ASH1L: variants seen among roughly 807,000 people sequenced by gnomAD.
The protein encoded by ASH1L is ASH1 like histone lysine methyltransferase.
ASH1L carries 23 observed loss-of-function variants against 269.0 expected under a neutral mutation model. The observed-to-expected ratio is 0.09, with a 90% CI of 0.06 to 0.12. The LOEUF is 0.12. ASH1L is among the 10% of genes least tolerant of loss of function. The probability of loss-of-function intolerance (pLI) is 1.00; values close to 1 mark genes in which losing one functional copy is unlikely to be tolerated. For missense variants in ASH1L, 2,912 were observed against 3,567.8 expected (o/e 0.82, Z 4.68); for synonymous variants, 1,187 against 1,253.5 (o/e 0.95, Z 1.12).
intron 1 of ASH1L, among the ~76,000 whole-genome samples, chr1:155,559,556 A>G (rs1426929308): frequency 6.6e-6 from 1 of 151,590 alleles, no homozygotes; most frequent in East Asian, 1.9e-4. Context: ...AAAAAAGCAC[A>G]AGATGATACA....
intron 5 of ASH1L, among the ~76,000 whole-genome samples, chr1:155,430,834 G>C (rs1440360897): frequency 6.6e-6 from 1 of 151,950 alleles, no homozygotes; most frequent in Non-Finnish European, 1.5e-5. Context: ...CATTGCCCAA[G>C]CTGGTCTCAA....
intron 5 of ASH1L, among the ~76,000 whole-genome samples, chr1:155,421,309 T>C (rs893465820): frequency 2.1e-4 from 29 of 134,890 alleles, no homozygotes; most frequent in South Asian, 2.4e-4. Context: ...CAATCTCAAG[T>C]ACCAACAGTT....
At position 155,343,489 on chromosome 1, in the gene ASH1L, A is replaced by G. The variant is rs1434453067; in HGVS notation, c.8121-3T>C. On this transcript the variant is annotated splice_polypyrimidine_tract_variant and splice_region_variant and intron_variant, in intron 23 of 27. Transcript: ENST00000392403. The surrounding 1 kb of genome is among the most constrained non-coding windows in gnomAD (Gnocchi z 6.1). The stretch of plus-strand genomic sequence containing the variant: ...GACCAAAGGCAAACCGTTCCTCTCT[A>G]AAACAATGGAAAAGTGAGAAGGGAG... 4 of 1,613,696 alleles carry G rather than the reference A, an allele frequency of 2.5e-6. No individual in the cohort carries two copies. The East Asian group carries it at 8.9e-5, about 36-fold the overall frequency.
intron 7 of ASH1L, among the ~76,000 whole-genome samples, chr1:155,381,466 C>T (rs928286627): frequency 9.9e-5 from 15 of 151,978 alleles, no homozygotes; most frequent in African/African-American, 3.6e-4. Context: ...AGGAGAATTG[C>T]TTGAACCTGG....
At chr1:155,451,139 G>A (rs1663430180) in intron 4 of ASH1L, among the ~76,000 whole-genome samples, 1 of 149,442 alleles carries the variant, frequency 6.7e-6, no homozygotes. Flanking sequence ...AGAGGTTGCA[G>A]TGAGCTGAGA....
intron 2 of ASH1L, among the ~76,000 whole-genome samples, chr1:155,510,266 T>C (rs1202152781): frequency 1.3e-5 from 2 of 151,448 alleles, no homozygotes; most frequent in African/African-American, 2.4e-5. Context: ...ATACAAAAAT[T>C]ACCCAGGCGT....
chr1:155,377,928 C>CAGGA (rs1464668992), intron 10 of ASH1L, among the ~76,000 whole-genome samples: 2 of 151,596 alleles, frequency 1.3e-5, no homozygotes, highest in Admixed American at 1.3e-4. Context: ...GAGGCTGAGG[C>CAGGA]AGGAGAATGG....
At chr1:155,476,369 G>C (rs1480781359) in intron 3 of ASH1L, among the ~76,000 whole-genome samples, 3 of 151,818 alleles carry the variant, frequency 2.0e-5, no homozygotes, top group African/African-American at 7.3e-5. Flanking sequence ...CTGGGCAACA[G>C]AGCAAGACTC....
In ASH1L at chr1:155,478,993, C is replaced by T; in HGVS notation, c.3877G>A (p.Glu1293Lys). Residue 1293 changes from glutamate (E) to lysine (K), a missense_variant, in exon 3 of 28, where the codon GAA becomes AAA. By Grantham distance (56) the Glu-to-Lys change is moderately conservative. Coordinates refer to ENST00000392403, the MANE Select transcript of ASH1L (RefSeq NM_018489.3). This position sits in a 1 kb window ranked among gnomAD's most constrained non-coding sequence, Gnocchi z 4.6. The stretch of plus-strand genomic sequence containing the variant: ...ATTTCACTTAGGCGACTTATTAGTT[C>T]CTCCAGCTCTGCAATAAAGTCTGGA... Reference protein sequence around the residue: ...QDPDFIAELEELISRLSEIRI... With the variant: ...QDPDFIAELEKLISRLSEIRI... 4 of 1,613,550 alleles carry T rather than the reference C, an allele frequency of 2.5e-6. No homozygotes were observed. Among genetic ancestry groups the T allele is most frequent in the Non-Finnish European group, 3.4e-6 (4 of 1,180,018 alleles).
intron 2 of ASH1L, among the ~76,000 whole-genome samples, chr1:155,488,552 C>T (rs1666498549): frequency 6.7e-6 from 1 of 148,490 alleles, no homozygotes; most frequent in Admixed American, 6.7e-5. Context: ...GCCTGTGGTC[C>T]CAGCTACTCA....
Position 155,478,870 on chromosome 1 carries a change from G to C in ASH1L, c.4000C>G (p.Pro1334Ala). ...FNSFYTHPSF[P>A]LDPLHYIRKP... ...CGAATGTAGTGCAAAGGGTCTAAGG[G>C]GAAAGAAGGATGTGTATAGAAACTA... The change falls in exon 3 of 28, where the codon CCC (proline) becomes GCC (alanine). Residue 1334 changes from proline (P) to alanine (A), a missense_variant. Coordinates refer to ENST00000392403, the MANE Select transcript of ASH1L (RefSeq NM_018489.3). The surrounding 1 kb of genome is among the most constrained non-coding windows in gnomAD (Gnocchi z 4.6). The C allele has an allele frequency of 1.2e-6, 2 of 1,613,926 alleles. No homozygotes were observed. The highest frequency in any genetic ancestry group is 1.7e-6 in the Non-Finnish European group (2 of 1,179,984).
At chr1:155,379,985 T>G in intron 8 of ASH1L, 58 bp downstream of exon 8, 3 of 1,273,332 alleles carry the variant, frequency 2.4e-6, no homozygotes, top group Non-Finnish European at 3.4e-6. Flanking sequence ...CACTTGCATT[T>G]CCACCCCTCC....
Position 155,370,919 on chromosome 1 carries a change from T to G in ASH1L, c.6397A>C (p.Ile2133Leu). Reference protein sequence around the residue: ...PCGEQCCNQRIQRHEWVQCLE... With the variant: ...PCGEQCCNQRLQRHEWVQCLE... ...CATTGCACCCATTCATGCCTCTGTA[T>G]CCTCTGGTTACAGCATTGCTCGCCA... The change falls in exon 11 of 28, where the codon ATA (isoleucine) becomes CTA (leucine). Residue 2133 changes from isoleucine to leucine, a missense_variant. Around this residue, in one of 13 missense-constraint regions of ASH1L, gnomAD observed 193 missense variants for 311.6 expected, o/e 0.62. Coordinates refer to ENST00000392403, the MANE Select transcript of ASH1L (RefSeq NM_018489.3). 1 of 1,614,128 alleles carries G rather than the reference T, an allele frequency of 6.2e-7. No homozygotes were observed. Among genetic ancestry groups the G allele is most frequent in the Non-Finnish European group, 8.5e-7 (1 of 1,180,000 alleles).
intron 2 of ASH1L, among the ~76,000 whole-genome samples, chr1:155,512,778 CACTGGCACGGTGGCTG>C: frequency 6.6e-6 from 1 of 151,940 alleles, no homozygotes; most frequent in South Asian, 2.1e-4. Flanking sequence ...CACAGTGGCT[CACTGGCACGGTGGCTG>C]ACACCTTGTA....
In ASH1L at chr1:155,342,076, C is replaced by T; in HGVS notation, c.8320G>A (p.Asp2774Asn). 4.3e-6 allele frequency: 7 copies of T among 1,614,208 alleles called. No individual in the cohort carries two copies. The highest frequency in any genetic ancestry group is 5.9e-6 in the Non-Finnish European group (7 of 1,180,046). Residue 2774 changes from aspartate to asparagine, a missense_variant, in exon 25 of 28, where the codon GAT becomes AAT. Asp to Asn is a conservative substitution (Grantham distance 23, BLOSUM62 1). This residue lies in a region of ASH1L where 179 missense variants were observed against 293.8 expected (regional missense o/e 0.61). Transcript: ENST00000392403. The part of the protein sequence containing the change: ...KGRPKGVKEQ[D>N]VYICDYRLDK... ...AGCCGATAATCACAGATGTACACAT[C>T]TTGCTCCTTTACTCCTTTGGGTCTC... is the stretch of plus-strand genomic sequence containing the variant.
chr1:155,397,931 A>C (rs1330179276), intron 6 of ASH1L, among the ~76,000 whole-genome samples: 1 of 152,178 alleles, frequency 6.6e-6, no homozygotes. Flanking sequence ...AATGATTTTT[A>C]ATTTATTTAC....
chr1:155,388,896 A>C (rs1201453831), intron 7 of ASH1L, among the ~76,000 whole-genome samples: 1 of 150,610 alleles, frequency 6.6e-6, no homozygotes, highest in African/African-American at 2.4e-5. Flanking sequence ...CTTTATAGAG[A>C]GAGGTTCTCA....
intron 2 of ASH1L, among the ~76,000 whole-genome samples, chr1:155,503,039 T>C (rs1046439068): frequency 6.6e-6 from 1 of 152,240 alleles, no homozygotes. Context: ...CAGCATCTGC[T>C]TTTGATCTCC....
At chr1:155,420,695 T>C (rs113312468) in intron 5 of ASH1L, among the ~76,000 whole-genome samples, 6,909 of 150,546 alleles carry the variant, frequency 0.046, 225 homozygotes, top group Non-Finnish European at 0.07. Context: ...TACTAAAATA[T>C]AAAAATTAGC....
Sources: gnomAD v4.1 joint callset for allele counts (sites outside exome capture counted in the v4.1 genomes callset) on GRCh38, gnomAD v4.1.1 for gene constraint, gnomAD v4.1.1 regional missense constraint, Gnocchi (gnomAD v3.1) non-coding constraint, MANE v1.5 for transcripts, NCBI Gene and HGNC (gene_info 2026-07-23, HGNC 2026-07-21) for gene names.